Variants in PINLYP observed in about 807,000 individuals in gnomAD.
The protein encoded by PINLYP is phospholipase A2 inhibitor and Ly6/PLAUR domain-containing protein.
A neutral mutation model predicts 15.8 loss-of-function variants in PINLYP; 12 were observed. The ratio of observed to expected loss-of-function variants is 0.76; its 90% CI spans 0.49 to 1.23. The LOEUF (loss-of-function observed/expected upper bound fraction) is 1.23. PINLYP is among the 50% of genes most tolerant of loss of function. The pLI is 0.00. For missense variants in PINLYP, 278 were observed against 264.2 expected (o/e 1.05, Z -0.36); for synonymous variants, 93 against 97.7 (o/e 0.95, Z 0.28).
At position 43,577,748 on chromosome 19, in the gene PINLYP, CAAA is replaced by C. The variant is rs547799444; in HGVS notation, c.70+492_70+494del. Among the ~76,000 whole-genome samples the C allele has an allele frequency of 2.5e-3, 370 of 147,254 alleles. 3 individuals are homozygous for C. The highest frequency in any genetic ancestry group is 9.0e-3 in the African/African-American group (350 of 38,752). ...TGAAACCCCGTCTTTACTAAAAATA[CAAA>C]AAAAGTTAGCTGAGCTTGGTGGTGG... On this transcript the variant is annotated intron_variant, in intron 2 of 5. Coordinates refer to ENST00000599207, the Ensembl canonical transcript of PINLYP.
chr19:43,581,635 T>C, exon 5 of PINLYP: 4 of 1,536,498 alleles, frequency 2.6e-6, no homozygotes, highest in Non-Finnish European at 3.5e-6. Flanking sequence ...GACAAATGCA[T>C]GGGGCCCATG....
At chr19:43,579,165 G>C in intron 3 of PINLYP, 1 of 183,436 alleles carries the variant, frequency 5.5e-6, no homozygotes. Flanking sequence ...AGATGATGGT[G>C]GAGTGTTGGA....
intron 2 of PINLYP, 117 bp downstream of exon 2, chr19:43,577,378 G>C: frequency 9.1e-7 from 1 of 1,102,822 alleles, no homozygotes; most frequent in Non-Finnish European, 1.2e-6. Flanking sequence ...AAGGTGAACG[G>C]GGAGGCATTC....
intron 3 of PINLYP, among the ~76,000 whole-genome samples, chr19:43,579,316 G>A (rs1600066796): frequency 6.6e-6 from 1 of 151,982 alleles, no homozygotes; most frequent in African/African-American, 2.4e-5. Context: ...CGCGATCTCT[G>A]CTCACTGCAA....
At chr19:43,578,114 C>G (rs1444511677) in intron 2 of PINLYP, among the ~76,000 whole-genome samples, 1 of 152,054 alleles carries the variant, frequency 6.6e-6, no homozygotes, top group African/African-American at 2.4e-5. Context: ...CCTCTGCCCT[C>G]CTGGTCCTCA....
At chr19:43,581,498 T>C in intron 4 of PINLYP, 65 bp from the exon 5 acceptor site, 1 of 1,509,836 alleles carries the variant, frequency 6.6e-7, no homozygotes, top group South Asian at 1.3e-5. Flanking sequence ...TTCCCGGGGT[T>C]GTTGGGAGGT....
exon 3 of PINLYP, chr19:43,578,631 A>C (rs1568522188): frequency 6.5e-7 from 1 of 1,536,060 alleles, no homozygotes; most frequent in Admixed American, 2.0e-5. Context: ...GGCGGGGAGC[A>C]GGTGCCATGG....
chr19:43,580,651 C>T (rs1015603291), intron 3 of PINLYP: 2 of 985,424 alleles, frequency 2.0e-6, no homozygotes, highest in East Asian at 2.3e-4. Context: ...GTGGAAGGGA[C>T]CACATCCAGC....
Position 43,579,109 on chromosome 19 carries a change from G to A in PINLYP, c.187+403G>A, listed in dbSNP as rs1972900282. On this transcript the variant is annotated intron_variant, in intron 3 of 5. Coordinates refer to ENST00000599207, the Ensembl canonical transcript of PINLYP. ...GAAGAGGCTGGGCTGGGGTGGGAAAGTGTAAGTGTAATCAGGGAAGAGGTC... is the reference window on the plus strand; with the variant it reads ...GAAGAGGCTGGGCTGGGGTGGGAAAATGTAAGTGTAATCAGGGAAGAGGTC... 2.4e-5 allele frequency: 6 copies of A among 251,634 alleles called. No homozygotes were observed. In the South Asian group the frequency reaches 2.7e-4, roughly 11 times the overall value. The allele number at this position is 251,634 out of a possible 1,614,324, so 15.6% of individuals were successfully genotyped here. A position where few individuals can be genotyped will look rare whatever the true frequency, so the allele number is the denominator to read the frequency against.
chr19:43,575,543 G>A, upstream of PINLYP: 2 of 1,447,752 alleles, frequency 1.4e-6, no homozygotes, highest in Non-Finnish European at 9.5e-7. Context: ...GGGGCGGGGT[G>A]CGCCCTGCGC....
chr19:43,581,184 A>G, intron 3 of PINLYP, 28 bp from the exon 4 acceptor site: 1 of 1,533,982 alleles, frequency 6.5e-7, no homozygotes, highest in Non-Finnish European at 8.7e-7. Context: ...GTCAGCCAGC[A>G]CTGTCCCTGC....
chr19:43,575,803 G>A (rs1972855276), exon 1 of PINLYP: 1 of 253,472 alleles, frequency 3.9e-6, no homozygotes, highest in Non-Finnish European at 7.5e-6. Flanking sequence ...CGGGATTGGT[G>A]TCTGGAAGAA....
intron 2 of PINLYP, 37 bp downstream of exon 2, chr19:43,577,298 C>A (rs1232001535): frequency 1.3e-6 from 2 of 1,523,636 alleles, no homozygotes; most frequent in Non-Finnish European, 1.8e-6. Flanking sequence ...TCTGGGACCT[C>A]AGGAAGAGAG....
chr19:43,578,435 G>C (rs1218416578), intron 2 of PINLYP, among the ~76,000 whole-genome samples, 155 bp from the exon 3 acceptor site: 2 of 152,136 alleles, frequency 1.3e-5, no homozygotes, highest in Non-Finnish European at 2.9e-5. Context: ...GTCCAACTCT[G>C]GACAGTTCCT....
Position 43,576,907 on chromosome 19 carries a change from G to GGGCT in PINLYP, c.-87_-86insTGGC. On this transcript the variant is annotated 5_prime_UTR_variant, in exon 1 of 6. The change abolishes the stop of an existing upstream ORF in the 5' untranslated region. Transcript: ENST00000599207. ...TTCAAGCAAACAAACAAACAACAAT[G>GGGCT]GGCCGTGGGAAGGTGAGAAAACAGG... The GGGCT allele has an allele frequency of 6.9e-6, 3 of 431,774 alleles. No individual in the cohort carries two copies. Among genetic ancestry groups the GGGCT allele is most frequent in the Non-Finnish European group, 1.2e-5 (3 of 240,960 alleles). The allele number at this position is 431,774 out of a possible 1,614,324, so 26.7% of individuals were successfully genotyped here.
Position 43,581,576 on chromosome 19 carries a change from TCTTA to T in PINLYP, c.357_360del (p.Thr120ArgfsTer4). ...CCTCATCCTCAGTTCCCTTGACCAA[TCTTA>T]CTGAGAATGGCCTGATGTGCCCCGC... On this transcript the variant is annotated frameshift_variant, in exon 5 of 6. Transcript: ENST00000599207. LOFTEE classifies it high-confidence loss of function. 1 of 1,535,994 alleles carries T rather than the reference TCTTA, an allele frequency of 6.5e-7. No individual in the cohort carries two copies. Among genetic ancestry groups the T allele is most frequent in the Non-Finnish European group, 8.7e-7 (1 of 1,146,718 alleles).
intron 3 of PINLYP, chr19:43,580,500 G>C: frequency 2.0e-6 from 2 of 984,620 alleles, no homozygotes; most frequent in Non-Finnish European, 2.4e-6. Flanking sequence ...GAGACTACGG[G>C]GTGGGCGGGG....
chr19:43,575,582 C>T, upstream of PINLYP: 3 of 1,075,176 alleles, frequency 2.8e-6, no homozygotes, highest in Non-Finnish European at 3.9e-6. Flanking sequence ...GCGCGAGGCT[C>T]GGGCCTTTCA....
intron 3 of PINLYP, chr19:43,580,989 G>A: frequency 2.0e-6 from 1 of 505,274 alleles, no homozygotes; most frequent in Non-Finnish European, 3.4e-6. Flanking sequence ...TGTGATCGCA[G>A]CTACTCGGGA....
Sources: gnomAD v4.1 joint callset for allele counts (sites outside exome capture counted in the v4.1 genomes callset) on GRCh38, gnomAD v4.1.1 for gene constraint, MANE v1.5 for transcripts, NCBI Gene and HGNC (gene_info 2026-07-23, HGNC 2026-07-21) for gene names.